IL1RAPL1: variants seen among roughly 807,000 people sequenced by gnomAD.
IL1RAPL1 encodes interleukin-1 receptor accessory protein-like 1.
Under a neutral mutation model 48.4 loss-of-function variants are expected in IL1RAPL1, and 3 were observed. The observed-to-expected ratio is 0.06, with a 90% CI of 0.03 to 0.16. The LOEUF (loss-of-function observed/expected upper bound fraction) is 0.16. IL1RAPL1 is among the 10% of genes least tolerant of loss of function. IL1RAPL1 has a pLI of 1.00. For missense variants in IL1RAPL1, 349 were observed against 530.6 expected (o/e 0.66, Z 3.36); for synonymous variants, 185 against 187.7 (o/e 0.99, Z 0.12).
intron 2 of IL1RAPL1, among the ~76,000 whole-genome samples, chrX:28,908,653 G>A (rs1414215426): frequency 1.8e-5 from 2 of 111,513 alleles, no homozygotes; most frequent in Non-Finnish European, 3.8e-5. Flanking sequence ...TGAGAAGAAT[G>A]TGTATTCTGC....
At chrX:29,367,611 C>T (rs990072992) in intron 3 of IL1RAPL1, among the ~76,000 whole-genome samples, 104 of 106,499 alleles carry the variant, frequency 9.8e-4, no homozygotes, top group Non-Finnish European at 1.4e-3. Flanking sequence ...GATGAAGTTT[C>T]GCTCTGTCAC....
intron 3 of IL1RAPL1, among the ~76,000 whole-genome samples, chrX:29,331,478 T>C (rs1569287329): frequency 9.0e-6 from 1 of 111,724 alleles, no homozygotes; most frequent in Non-Finnish European, 1.9e-5. Context: ...CCCAAGGAGA[T>C]AGACAAAATA....
chrX:29,675,438 C>T (rs1406239374), intron 6 of IL1RAPL1, among the ~76,000 whole-genome samples: 1 of 112,122 alleles, frequency 8.9e-6, no homozygotes, highest in African/African-American at 3.2e-5. Context: ...ACATATTATG[C>T]AGATTACTCT....
At chrX:29,456,629 G>A (rs957485897) in intron 5 of IL1RAPL1, among the ~76,000 whole-genome samples, 5 of 111,046 alleles carry the variant, frequency 4.5e-5, no homozygotes, top group African/African-American at 1.6e-4. Flanking sequence ...GATTCTCATG[G>A]TCGCCAGATT....
rs1306955975 is a variant in IL1RAPL1 at position 28,848,840 on chromosome X, AGC to A, written c.82+59416_82+59417del. ...CCTCATTTTTATAACTGCTGACACA[AGC>A]CTGCTATTAAAATAGTCACATTTCC... On this transcript the variant is annotated intron_variant, in intron 2 of 10. Coordinates refer to ENST00000378993, the MANE Select transcript of IL1RAPL1 (RefSeq NM_014271.4). 3.6e-5 allele frequency among the ~76,000 whole-genome samples: 4 copies of A among 112,091 alleles called. No individual in the cohort carries two copies. The Admixed American group carries it at 3.8e-4, about 11-fold the overall frequency.
intron 2 of IL1RAPL1, among the ~76,000 whole-genome samples, chrX:28,800,749 G>A (rs907920870): frequency 1.8e-5 from 2 of 110,813 alleles, no homozygotes; most frequent in South Asian, 7.6e-4. Context: ...ATGTAGGGGT[G>A]GAGAGACAAC....
chrX:29,611,117 A>T (rs943538195), intron 5 of IL1RAPL1, among the ~76,000 whole-genome samples: 1 of 112,356 alleles, frequency 8.9e-6, no homozygotes, highest in Non-Finnish European at 1.9e-5. Flanking sequence ...TTGTGGGAAA[A>T]ATCCACATTC....
chrX:28,594,501 T>C (rs1285313805), intron 1 of IL1RAPL1, among the ~76,000 whole-genome samples: 1 of 111,572 alleles, frequency 9.0e-6, no homozygotes, highest in African/African-American at 3.3e-5. Context: ...ATTATAGGAG[T>C]AAGGGATGCC....
intron 2 of IL1RAPL1, among the ~76,000 whole-genome samples, chrX:29,234,999 C>A (rs1164793013): frequency 3.6e-5 from 4 of 112,104 alleles, no homozygotes; most frequent in African/African-American, 1.3e-4. Flanking sequence ...CCTGCCTTTG[C>A]AGCATGATGG....
chrX:28,842,975 A>C (rs767435530), intron 2 of IL1RAPL1, among the ~76,000 whole-genome samples: 1 of 109,306 alleles, frequency 9.1e-6, no homozygotes, highest in East Asian at 3.0e-4. Flanking sequence ...GGATACTAGA[A>C]ATGCAAGCAA....
chrX:29,881,990 A>C (rs1932041770), intron 6 of IL1RAPL1, among the ~76,000 whole-genome samples: 1 of 111,259 alleles, frequency 9.0e-6, no homozygotes, highest in African/African-American at 3.3e-5. Context: ...CCCTTGCAAA[A>C]GTTACATGTG....
chrX:29,469,932 A>G (rs1371074166), intron 5 of IL1RAPL1, among the ~76,000 whole-genome samples: 1 of 112,014 alleles, frequency 8.9e-6, no homozygotes, highest in Admixed American at 9.5e-5. Flanking sequence ...CAGAAAGAAG[A>G]CTGTAAAGCT....
rs756692604 is a variant in IL1RAPL1 at position 29,873,378 on chromosome X, G to GCCC, written c.779-44078_779-44076dup. Among the ~76,000 whole-genome samples, 238 of 99,740 alleles carry GCCC rather than the reference G, an allele frequency of 2.4e-3. 3 individuals carry two copies. Among genetic ancestry groups the GCCC allele is most frequent in the African/African-American group, 7.6e-3 (206 of 26,962 alleles). 86.6% of individuals were successfully genotyped at this position (99,740 alleles called of 115,157 possible). A position where few individuals can be genotyped will look rare whatever the true frequency, so the allele number is the denominator to read the frequency against. ...ATCCAGTGGTGCTGTGGATGTTTGT[G>GCCC]CCCCCCCCCCAATTATATGTTGAAA... On this transcript the variant is annotated intron_variant, in intron 6 of 10. Transcript: ENST00000378993.
chrX:28,646,277 C>T (rs1383247566), intron 1 of IL1RAPL1, among the ~76,000 whole-genome samples: 3 of 111,740 alleles, frequency 2.7e-5, no homozygotes, highest in African/African-American at 9.8e-5. Context: ...AATGTAGGGC[C>T]TCCCATGATC....
intron 1 of IL1RAPL1, among the ~76,000 whole-genome samples, chrX:28,715,477 A>G (rs931068415): frequency 1.8e-5 from 2 of 111,781 alleles, no homozygotes; most frequent in Non-Finnish European, 3.8e-5. Flanking sequence ...TAACATCACA[A>G]CTAAAAGAAC....
At chrX:28,839,183 T>C (rs1170944986) in intron 2 of IL1RAPL1, among the ~76,000 whole-genome samples, 1 of 111,631 alleles carries the variant, frequency 9.0e-6, no homozygotes, top group Non-Finnish European at 1.9e-5. Context: ...AAATGAGTTA[T>C]AATGTTTTTG....
chrX:29,117,580 G>A (rs893015809), intron 2 of IL1RAPL1, among the ~76,000 whole-genome samples: 6 of 111,931 alleles, frequency 5.4e-5, no homozygotes, highest in African/African-American at 1.9e-4. Context: ...AACATTACTT[G>A]AGAAATGTTA....
chrX:28,719,413 G>A (rs1935542235), intron 1 of IL1RAPL1, among the ~76,000 whole-genome samples: 2 of 111,041 alleles, frequency 1.8e-5, no homozygotes, highest in Admixed American at 9.7e-5. Context: ...ATAATAAATG[G>A]AATATTATAT....
chrX:29,730,954 CTGAG>C (rs1927901167), intron 6 of IL1RAPL1, among the ~76,000 whole-genome samples: 1 of 112,089 alleles, frequency 8.9e-6, no homozygotes, highest in Non-Finnish European at 1.9e-5. Context: ...TCAGCATATC[CTGAG>C]TGTTTTACTC....
Sources: allele counts gnomAD v4.1 joint callset (sites outside exome capture counted in the v4.1 genomes callset), GRCh38; gene constraint gnomAD v4.1.1; transcripts MANE v1.5; gene names NCBI Gene and HGNC (gene_info 2026-07-23, HGNC 2026-07-21).